The following CPLANE1 variants were observed in gnomAD, a reference collection of about 807,000 sequenced individuals.
The protein encoded by CPLANE1 is ciliogenesis and planar polarity effector 1.
CPLANE1 carries 263 observed loss-of-function variants against 362.5 expected under a neutral mutation model. The observed-to-expected ratio is 0.73, with a 90% CI of 0.66 to 0.80. The LOEUF is 0.80. Ranked by LOEUF, CPLANE1 falls within the 30% of genes least tolerant of loss-of-function variation. The pLI is 0.00. For missense variants in CPLANE1, 3,461 were observed against 3,793.4 expected, an observed-to-expected ratio of 0.91 and a Z score of 2.30; for synonymous variants, 1,212 against 1,302.6, an observed-to-expected ratio of 0.93 and a Z score of 1.50.
Position 37,120,250 on chromosome 5 carries a change from A to G in CPLANE1, c.9276T>C (p.Ser3092=), listed in dbSNP as rs1001935549. The part of the protein sequence containing the change: ...SKPSYIHKRK[S]FGQPQGSPWP... ...AAGGTGAGCCTTGAGGTTGCCCAAA[A>G]GACTTCCTCTTATGGATATAACTCG... Residue 3092 remains serine (S), a synonymous_variant, in exon 50 of 53, where the codon TCT becomes TCC. Transcript: ENST00000651892. The G allele has an allele frequency of 4.4e-6, 7 of 1,604,040 alleles. No homozygotes were observed. In the Admixed American group the frequency reaches 7.0e-5, roughly 16 times the overall value.
intron 30 of CPLANE1, among the ~76,000 whole-genome samples, chr5:37,176,568 G>T (rs763049211): frequency 6.6e-6 from 1 of 152,018 alleles, no homozygotes; most frequent in Non-Finnish European, 1.5e-5. Flanking sequence ...AAAGAAAAAA[G>T]AAACTGTAAA....
chr5:37,141,687 T>C lies in CPLANE1; in HGVS notation c.8632+623A>G, dbSNP rs1299529021. On this transcript the variant is annotated intron_variant, in intron 44 of 52. Coordinates refer to ENST00000651892, the MANE Select transcript of CPLANE1 (RefSeq NM_001384732.1). ...ATCAATATCTGAGAGAAAAAAAATA[T>C]TTCCAAGCCACTGTCAGTGATTGAA... 29 of 984,484 alleles carry C rather than the reference T, an allele frequency of 2.9e-5. No homozygotes were observed. The East Asian group carries it at 7.9e-4, about 27-fold the overall frequency. The allele number at this position is 984,484 out of a possible 1,614,324, so 61.0% of individuals were successfully genotyped here.
chr5:37,209,585 TA>T lies in CPLANE1; in HGVS notation c.2921-3161del. On this transcript the variant is annotated intron_variant, in intron 16 of 52. Coordinates refer to ENST00000651892, the MANE Select transcript of CPLANE1 (RefSeq NM_001384732.1). This position sits in a 1 kb window ranked among gnomAD's most constrained non-coding sequence, Gnocchi z 4.6. ...GGAGCTCCCTCTTAATAAGTGCCTC[TA>T]ACTCTTTAGTGGCAGATCACTTACA... 1 of 1,398,804 alleles carries T rather than the reference TA, an allele frequency of 7.1e-7. No individual in the cohort carries two copies. Among genetic ancestry groups the T allele is most frequent in the East Asian group, 2.3e-5 (1 of 43,678 alleles). 86.6% of individuals were successfully genotyped at this position (1,398,804 alleles called of 1,614,324 possible).
At position 37,205,382 on chromosome 5, in the gene CPLANE1, A is replaced by G. The variant is rs1313151768; in HGVS notation, c.3222T>C (p.Cys1074=). The change falls in exon 18 of 53, where the codon TGT becomes TGC. Residue 1074 remains cysteine (C), a synonymous_variant. Transcript: ENST00000651892. ...CCAAAGAGGCTGGTTGACCTAAAAC[A>G]CACTGCAGTTTTTCCTGAAAAATCT... The part of the protein sequence containing the change: ...PAQIFQEKLQ[C]VLGQPASLEA... 6.4e-7 allele frequency: 1 copy of G among 1,551,020 alleles called. No homozygotes were observed.
At chr5:37,147,281 T>C (rs1434394976) in intron 43 of CPLANE1, among the ~76,000 whole-genome samples, 1 of 152,162 alleles carries the variant, frequency 6.6e-6, no homozygotes, top group Non-Finnish European at 1.5e-5. Context: ...AACAAATATC[T>C]AAGGATTGAT....
At chr5:37,080,441 G>T in the CPLANE1 span, among the ~76,000 whole-genome samples, 31 of 152,236 alleles carry the variant, frequency 2.0e-4, no homozygotes, top group Middle Eastern at 3.4e-3. Context: ...TAATTTGGGG[G>T]TTTTTTTCCA....
At chr5:37,188,951 G>A (rs906590083) in intron 21 of CPLANE1, among the ~76,000 whole-genome samples, 3 of 152,208 alleles carry the variant, frequency 2.0e-5, no homozygotes, top group Non-Finnish European at 2.9e-5. Flanking sequence ...CCAGGTTCAA[G>A]TGATTCTCCT....
At chr5:37,091,861 G>T in the CPLANE1 span, among the ~76,000 whole-genome samples, 2 of 152,104 alleles carry the variant, frequency 1.3e-5, no homozygotes, top group African/African-American at 2.4e-5. Context: ...TGACCCTACA[G>T]GATCCACAGC....
At chr5:37,112,108 A>C (rs1229865254) in intron 51 of CPLANE1, among the ~76,000 whole-genome samples, 1 of 152,246 alleles carries the variant, frequency 6.6e-6, no homozygotes, top group African/African-American at 2.4e-5. Context: ...TCTTGGCTAC[A>C]ATTAATTTGG....
chr5:37,169,274 G>T lies in CPLANE1; in HGVS notation c.6750C>A (p.Pro2250=). The T allele has an allele frequency of 6.2e-7, 1 of 1,614,156 alleles. No homozygotes were observed. Among genetic ancestry groups the T allele is most frequent in the Non-Finnish European group, 8.5e-7 (1 of 1,180,032 alleles). Residue 2250 remains proline, a synonymous_variant, in exon 34 of 53, where the codon CCC becomes CCA. Transcript: ENST00000651892. ...CTCTTGGTTGTGGCAAAGGCCTGAA[G>T]GGAACTTGTGGAATACTTCCTGTAT... ...FLHTGSIPQV[P]FRPLPQPREA...
chr5:37,096,816 C>T, the CPLANE1 span, among the ~76,000 whole-genome samples: 42 of 152,230 alleles, frequency 2.8e-4, no homozygotes, highest in Non-Finnish European at 4.4e-4. Context: ...CTCAACATCA[C>T]TAATGATCAG....
chr5:37,127,515 A>ATT (rs556523898), intron 46 of CPLANE1, among the ~76,000 whole-genome samples: 31 of 133,986 alleles, frequency 2.3e-4, no homozygotes, highest in East Asian at 6.4e-4. Context: ...TTTTTATTTA[A>ATT]TTTTTTTTTT....
At chr5:37,139,475 T>C (rs1185083684) in intron 44 of CPLANE1, 105 bp from the exon 45 acceptor site, 10 of 1,079,950 alleles carry the variant, frequency 9.3e-6, no homozygotes, top group Admixed American at 4.2e-5. Context: ...AAAATACTTT[T>C]AAACTTCCAA....
the CPLANE1 span, among the ~76,000 whole-genome samples, chr5:37,084,410 T>C: frequency 6.6e-6 from 1 of 151,940 alleles, no homozygotes. Flanking sequence ...AAGCAACAAA[T>C]AACACAATGA....
Position 37,183,435 on chromosome 5 carries a change from T to C in CPLANE1, c.4746A>G (p.Gly1582=). 6.2e-7 allele frequency: 1 copy of C among 1,613,792 alleles called. No individual in the cohort carries two copies. The highest frequency in any genetic ancestry group is 8.5e-7 in the Non-Finnish European group (1 of 1,179,834). Residue 1582 remains glycine (G), a synonymous_variant, in exon 26 of 53, where the codon GGA becomes GGG. Coordinates refer to ENST00000651892, the MANE Select transcript of CPLANE1 (RefSeq NM_001384732.1). ...AATTAAGTTCATGTTCTCTAAGCTTTCCAGAAAAACTAGTTAGAAATGGAA... is the reference window on the plus strand; with the variant it reads ...AATTAAGTTCATGTTCTCTAAGCTTCCCAGAAAAACTAGTTAGAAATGGAA... ...ADIPFLTSFS[G]KLREHELNSL...
At chr5:37,148,370 G>A (rs1772384972) in intron 42 of CPLANE1, 102 bp from the exon 43 acceptor site, 1 of 769,422 alleles carries the variant, frequency 1.3e-6, no homozygotes, top group Admixed American at 3.1e-5. Flanking sequence ...TAATGCAAAA[G>A]TGAAAAAAAT....
chr5:37,136,935 G>A (rs1009238804), intron 46 of CPLANE1, among the ~76,000 whole-genome samples: 4 of 152,202 alleles, frequency 2.6e-5, no homozygotes, highest in African/African-American at 9.6e-5. Context: ...CTCTGGGCCT[G>A]TGATGGGAGG....
At chr5:37,210,654 G>C in intron 16 of CPLANE1, 1 of 1,594,476 alleles carries the variant, frequency 6.3e-7, no homozygotes, top group Non-Finnish European at 8.6e-7. Context: ...GAATGAAAAG[G>C]TTAAAGTGAT....
intron 21 of CPLANE1, among the ~76,000 whole-genome samples, chr5:37,194,579 C>T (rs138628760): frequency 7.9e-4 from 120 of 151,772 alleles, no homozygotes; most frequent in African/African-American, 2.9e-3. Context: ...ATTTCAATGC[C>T]GTTTCGGTTG....
Sources: gnomAD v4.1 joint callset for allele counts (sites outside exome capture counted in the v4.1 genomes callset) on GRCh38, gnomAD v4.1.1 for gene constraint, Gnocchi (gnomAD v3.1) non-coding constraint, MANE v1.5 for transcripts, NCBI Gene and HGNC (gene_info 2026-07-23, HGNC 2026-07-21) for gene names.